ASTN2: variants seen among roughly 807,000 people sequenced by gnomAD.
ASTN2 encodes astrotactin 2, also known as astrotactin-2.
ASTN2 carries 54 observed loss-of-function variants against 139.8 expected under a neutral mutation model. That is an observed-to-expected ratio of 0.39 (90% CI 0.31 to 0.48). ASTN2 has a LOEUF of 0.48. ASTN2 is among the 20% of genes least tolerant of loss of function. The probability of loss-of-function intolerance (pLI) is 0.95; values close to 1 mark genes in which losing one functional copy is unlikely to be tolerated. For synonymous variants in ASTN2, 756 were observed against 719.5 expected, an observed-to-expected ratio of 1.05 and a Z score of -0.81; for missense variants, 1,565 against 1,725.1, an observed-to-expected ratio of 0.91 and a Z score of 1.64.
chr9:117,061,641 A>G (rs1197882428), intron 5 of ASTN2, among the ~76,000 whole-genome samples: 1 of 152,156 alleles, frequency 6.6e-6, no homozygotes, highest in Admixed American at 6.5e-5. Flanking sequence ...ATCGTGTATA[A>G]CAAATGCACA....
At chr9:116,618,293 A>G (rs776122859) in intron 19 of ASTN2, 31 bp downstream of exon 19, 1 of 1,598,554 alleles carries the variant, frequency 6.3e-7, no homozygotes, top group Admixed American at 1.7e-5. Flanking sequence ...CTGTCATACT[A>G]TCCCAAGAAA....
chr9:116,783,817 C>A (rs1445484055), intron 13 of ASTN2, among the ~76,000 whole-genome samples: 1 of 152,088 alleles, frequency 6.6e-6, no homozygotes, highest in Non-Finnish European at 1.5e-5. Flanking sequence ...AGAAGCTTCT[C>A]TAACCCACAA....
chr9:117,048,192 G>A lies in ASTN2; in HGVS notation c.1277-8227C>T, dbSNP rs528879798. On this transcript the variant is annotated intron_variant, in intron 5 of 22. Transcript: ENST00000313400. ...AAATTTAACTGCTGAGCTGCTATCC[G>A]ACTTTAGCTTGCCCTGTGGACCTGT... 1.3e-4 allele frequency among the ~76,000 whole-genome samples: 20 copies of A among 152,278 alleles called. No homozygotes were observed. The East Asian group carries it at 3.5e-3, about 26-fold the overall frequency.
At chr9:116,456,317 CA>C (rs754226886) in intron 20 of ASTN2, among the ~76,000 whole-genome samples, 14 of 151,556 alleles carry the variant, frequency 9.2e-5, no homozygotes, top group Non-Finnish European at 7.4e-5. Flanking sequence ...AATATTTCTA[CA>C]AAAAAATATA....
At chr9:116,488,573 A>G (rs1588107491) in intron 19 of ASTN2, among the ~76,000 whole-genome samples, 1 of 152,380 alleles carries the variant, frequency 6.6e-6, no homozygotes, top group South Asian at 2.1e-4. Flanking sequence ...GAGTTCAATG[A>G]TGCAATAGGC....
intron 19 of ASTN2, chr9:116,546,461 A>G (rs544276077): frequency 6.6e-6 from 1 of 152,276 alleles, no homozygotes; most frequent in East Asian, 1.9e-4. Flanking sequence ...TACCTTAGTG[A>G]GTCAGGGGCT....
chr9:117,051,704 G>A lies in ASTN2; in HGVS notation c.1277-11739C>T, dbSNP rs1838917068. Among the ~76,000 whole-genome samples the A allele has an allele frequency of 3.9e-5, 6 of 152,138 alleles. No individual in the cohort carries two copies. The South Asian group carries it at 1.2e-3, about 32-fold the overall frequency. ...CTCACATGAGGAAAATAGACACAGA[G>A]CCAGGAAAAACGGAGCTGGAAGAAC... On this transcript the variant is annotated intron_variant, in intron 5 of 22. Coordinates refer to ENST00000313400, the MANE Select transcript of ASTN2 (RefSeq NM_001365068.1).
chr9:117,213,769 T>C (rs1319014514), intron 3 of ASTN2, among the ~76,000 whole-genome samples: 1 of 152,138 alleles, frequency 6.6e-6, no homozygotes, highest in Non-Finnish European at 1.5e-5. Flanking sequence ...TGGCCCAGGA[T>C]GTGAAAAATT....
intron 19 of ASTN2, among the ~76,000 whole-genome samples, chr9:116,567,984 C>G (rs138314109): frequency 6.6e-6 from 1 of 152,190 alleles, no homozygotes; most frequent in Non-Finnish European, 1.5e-5. Context: ...TGAGCCTCTA[C>G]TGTATACATG....
intron 19 of ASTN2, among the ~76,000 whole-genome samples, chr9:116,542,870 A>C (rs1851931732): frequency 6.6e-6 from 1 of 152,148 alleles, no homozygotes; most frequent in Non-Finnish European, 1.5e-5. Flanking sequence ...CAGTGAGCTG[A>C]GATTGTGCCA....
chr9:116,487,938 T>C (rs999815464), intron 19 of ASTN2, among the ~76,000 whole-genome samples: 5 of 152,170 alleles, frequency 3.3e-5, no homozygotes, highest in Non-Finnish European at 7.4e-5. Flanking sequence ...GGACTAAAGA[T>C]GTAAAATAAT....
At chr9:117,234,282 A>C (rs1472824307) in intron 2 of ASTN2, among the ~76,000 whole-genome samples, 1 of 152,174 alleles carries the variant, frequency 6.6e-6, no homozygotes, top group Non-Finnish European at 1.5e-5. Context: ...GGAGGGTAAG[A>C]GTAATAACTC....
Position 117,414,572 on chromosome 9 carries a change from C to A in ASTN2, c.367G>T (p.Val123Leu), listed in dbSNP as rs1057274410. Residue 123 changes from valine (V) to leucine (L), a missense_variant, in exon 1 of 23, where the codon GTG becomes TTG. Transcript: ENST00000313400. This position sits in a 1 kb window ranked among gnomAD's most constrained non-coding sequence, Gnocchi z 4.2. ...ATGCGCCCCGGCAGCTCGTTACGCA[C>A]AAAGAGCAGGAGGCGCGACTCGGCG... ...TAAESRLLLF[V>L]RNELPGRIAV... 1 of 1,601,394 alleles carries A rather than the reference C, an allele frequency of 6.2e-7. No individual in the cohort carries two copies. Among genetic ancestry groups the A allele is most frequent in the East Asian group, 2.3e-5 (1 of 43,096 alleles).
At chr9:117,335,327 CTA>C (rs1224355103) in intron 1 of ASTN2, among the ~76,000 whole-genome samples, 2 of 152,166 alleles carry the variant, frequency 1.3e-5, no homozygotes, top group Non-Finnish European at 1.5e-5. Flanking sequence ...CTCCAAATTG[CTA>C]TGACTTTCTG....
intron 19 of ASTN2, among the ~76,000 whole-genome samples, chr9:116,523,134 CTATTAT>C (rs1298970524): frequency 6.6e-6 from 1 of 151,724 alleles, no homozygotes; most frequent in African/African-American, 2.4e-5. Context: ...GGGCTATTAA[CTATTAT>C]TAAGATAAAG....
At position 117,016,639 on chromosome 9, in the gene ASTN2, T is replaced by TGTTAC. The variant is rs1564385969; in HGVS notation, c.1424-8381_1424-8380insGTAAC. On this transcript the variant is annotated intron_variant, in intron 6 of 22. Transcript: ENST00000313400. ...ATCTATCTATCTATATATATATATA[T>TGTTAC]ATATATATATATATATAACCTATAT... Among the ~76,000 whole-genome samples the TGTTAC allele has an allele frequency of 8.7e-4, 19 of 21,930 alleles. 1 individual carries two copies. The highest frequency in any genetic ancestry group is 2.1e-3 in the East Asian group (3 of 1,404). The allele number at this position is 21,930 out of a possible 152,430, so 14.4% of individuals were successfully genotyped here. A position where few individuals can be genotyped will look rare whatever the true frequency, so the allele number is the denominator to read the frequency against.
intron 17 of ASTN2, among the ~76,000 whole-genome samples, chr9:116,630,020 T>C (rs1010504741): frequency 6.6e-6 from 1 of 152,202 alleles, no homozygotes; most frequent in African/African-American, 2.4e-5. Context: ...ACATAGAAGA[T>C]GAAGTACTAT....
At chr9:116,687,316 C>T in intron 16 of ASTN2, 1 of 976,022 alleles carries the variant, frequency 1.0e-6, no homozygotes, top group African/African-American at 1.8e-5. Context: ...CTCAACGGCG[C>T]GTGCGCAGAG....
chr9:117,021,490 A>T (rs1348273186), intron 6 of ASTN2, among the ~76,000 whole-genome samples: 1 of 152,160 alleles, frequency 6.6e-6, no homozygotes, highest in East Asian at 1.9e-4. Flanking sequence ...CCTATAAAAG[A>T]TCAAACAAAG....
Sources: allele counts gnomAD v4.1 joint callset (sites outside exome capture counted in the v4.1 genomes callset), GRCh38; gene constraint gnomAD v4.1.1; non-coding constraint Gnocchi (gnomAD v3.1); transcripts MANE v1.5; gene names NCBI Gene and HGNC (gene_info 2026-07-23, HGNC 2026-07-21).